MBNL3: variants seen among roughly 807,000 people sequenced by gnomAD.
MBNL3 encodes the protein muscleblind-like protein 3.
A neutral mutation model predicts 24.5 loss-of-function variants in MBNL3; 6 were observed. That is an observed-to-expected ratio of 0.25 (90% confidence interval 0.13 to 0.48). MBNL3 has a LOEUF of 0.48. MBNL3 is among the 20% of genes least tolerant of loss of function. The pLI is 0.99. For synonymous variants in MBNL3, 100 were observed against 101.7 expected (o/e 0.98, Z 0.10); for missense variants, 230 against 293.5 (o/e 0.78, Z 1.58).
At chrX:132,468,526 TAAC>T (rs995042435) in intron 1 of MBNL3, among the ~76,000 whole-genome samples, 12 of 112,719 alleles carry the variant, frequency 1.1e-4, no homozygotes, top group Non-Finnish European at 2.1e-4. Context: ...ATTGAAAATA[TAAC>T]AACAGAAAAT....
At chrX:132,479,038 C>G (rs760353526) in intron 1 of MBNL3, among the ~76,000 whole-genome samples, 18 of 112,015 alleles carry the variant, frequency 1.6e-4, no homozygotes, top group Non-Finnish European at 2.6e-4. Context: ...TCACCTGAGG[C>G]AGGAGTTCAA....
At chrX:132,406,135 TA>T in intron 3 of MBNL3, 92 bp downstream of exon 3, 1 of 1,019,296 alleles carries the variant, frequency 9.8e-7, no homozygotes. Context: ...GTTTGTGTCC[TA>T]AATCCTGTTG....
intron 8 of MBNL3, among the ~76,000 whole-genome samples, chrX:132,380,801 T>C (rs1934774021): frequency 9.1e-6 from 1 of 109,503 alleles, no homozygotes; most frequent in African/African-American, 3.3e-5. Flanking sequence ...TGTGCCATGA[T>C]GGGCACCAGG....
intron 2 of MBNL3, among the ~76,000 whole-genome samples, chrX:132,434,789 T>A (rs1945024147): frequency 2.7e-5 from 3 of 111,437 alleles, no homozygotes; most frequent in Non-Finnish European, 3.8e-5. Context: ...ACTAAGGAGA[T>A]ATAAGGAATA....
chrX:132,473,803 G>A (rs1450592421), intron 1 of MBNL3, among the ~76,000 whole-genome samples: 1 of 111,310 alleles, frequency 9.0e-6, no homozygotes, highest in Non-Finnish European at 1.9e-5. Flanking sequence ...TTTTGAAAAC[G>A]CTGGTTTAGA....
intron 6 of MBNL3, 80 bp from the exon 7 acceptor site, chrX:132,384,778 CA>C (rs1935695502): frequency 1.2e-6 from 1 of 831,109 alleles, no homozygotes; most frequent in African/African-American, 2.2e-5. Flanking sequence ...TACATTTTAA[CA>C]GAAAGATTAT....
rs1282567957 is a variant in MBNL3 at position 132,372,837 on chromosome X, T to G, written c.*6829A>C. The G allele has an allele frequency of 9.0e-6, 1 of 111,642 alleles. No homozygotes were observed. The highest frequency in any genetic ancestry group is 3.2e-5 in the African/African-American group (1 of 30,820). 9.2% of individuals were successfully genotyped at this position (111,642 alleles called of 1,213,427 possible). On this transcript the variant is annotated 3_prime_UTR_variant, in exon 9 of 9. Transcript: ENST00000370853. ...TGCAATATCTGCAAAGAGCTGCGAC[T>G]TATTTCATAGTCATACATTTTTTTT...
Position 132,396,521 on chromosome X carries a change from CA to C in MBNL3, c.343-4188del, listed in dbSNP as rs1569424069. 5.6e-4 allele frequency among the ~76,000 whole-genome samples: 27 copies of C among 48,103 alleles called. 1 individual carries two copies. The highest frequency in any genetic ancestry group is 4.9e-3 in the African/African-American group (25 of 5,146). The allele number at this position is 48,103 out of a possible 115,157, so 41.8% of individuals were successfully genotyped here. A position where few individuals can be genotyped will look rare whatever the true frequency, so the allele number is the denominator to read the frequency against. On this transcript the variant is annotated intron_variant, in intron 3 of 8. Coordinates refer to ENST00000370853, the MANE Select transcript of MBNL3 (RefSeq NM_001386889.1). ...ATTCCTATATATATTCATATATATT[CA>C]TATATATATTCATATATATATTCCT...
In MBNL3 at chrX:132,483,237, G is replaced by C. The variant is rs145949439; in HGVS notation, c.-704+5614C>G. Among the ~76,000 whole-genome samples, 216 of 112,016 alleles carry C rather than the reference G, an allele frequency of 1.9e-3. 9 individuals are homozygous for C. In the East Asian group the frequency reaches 0.048, roughly 25 times the overall value. ...GCACCCCCAACTGGGCCATTATCAA[G>C]TGCCTACTTTTCAGAGGACGAATAC... On this transcript the variant is annotated intron_variant, in intron 1 of 8. Transcript: ENST00000370853.
chrX:132,476,046 T>C (rs909110763), intron 1 of MBNL3, among the ~76,000 whole-genome samples: 3 of 111,727 alleles, frequency 2.7e-5, no homozygotes, highest in Middle Eastern at 9.3e-3. Flanking sequence ...GGATGCATGC[T>C]TCACAAGAGT....
intron 5 of MBNL3, among the ~76,000 whole-genome samples, chrX:132,387,628 C>T (rs1414008026): frequency 8.9e-6 from 1 of 111,788 alleles, no homozygotes; most frequent in Non-Finnish European, 1.9e-5. Flanking sequence ...CCAGTTTATA[C>T]AAAGACTTCA....
At chrX:132,382,136 T>C (rs1169137842) in intron 8 of MBNL3, 42 bp downstream of exon 8, 1 of 1,125,742 alleles carries the variant, frequency 8.9e-7, no homozygotes, top group Non-Finnish European at 1.2e-6. Context: ...ACCAAAACAT[T>C]GTAGTTATCT....
chrX:132,409,677 A>G (rs1348569501), intron 2 of MBNL3, among the ~76,000 whole-genome samples: 2 of 111,507 alleles, frequency 1.8e-5, no homozygotes, highest in African/African-American at 6.5e-5. Context: ...CGTACCTACA[A>G]CAGTCGCCAT....
Position 132,370,300 on chromosome X carries a change from A to C in MBNL3, c.*9366T>G, listed in dbSNP as rs1218073582. On this transcript the variant is annotated 3_prime_UTR_variant, in exon 9 of 9. Coordinates refer to ENST00000370853, the MANE Select transcript of MBNL3 (RefSeq NM_001386889.1). ...CCTGTCATTGTATCATGCCCTCTAC[A>C]GATGATGACCATGGGAATGGATTCT... 8.9e-6 allele frequency: 1 copy of C among 112,021 alleles called. No homozygotes were observed. The highest frequency in any genetic ancestry group is 1.9e-5 in the Non-Finnish European group (1 of 53,216). The allele number at this position is 112,021 out of a possible 1,213,427, so 9.2% of individuals were successfully genotyped here. A position where few individuals can be genotyped will look rare whatever the true frequency, so the allele number is the denominator to read the frequency against.
intron 3 of MBNL3, among the ~76,000 whole-genome samples, chrX:132,397,503 T>A (rs183351762): frequency 5.3e-4 from 59 of 111,395 alleles, no homozygotes; most frequent in Non-Finnish European, 1.0e-3. Context: ...GGGCCTTCCA[T>A]CTCTGAGTTC....
At chrX:132,392,766 A>G (rs183249803) in intron 3 of MBNL3, among the ~76,000 whole-genome samples, 1 of 110,306 alleles carries the variant, frequency 9.1e-6, no homozygotes, top group East Asian at 2.9e-4. Flanking sequence ...CACCATCAAT[A>G]CTGCTTGGCT....
At chrX:132,483,753 T>G (rs1268392697) in intron 1 of MBNL3, among the ~76,000 whole-genome samples, 1 of 111,948 alleles carries the variant, frequency 8.9e-6, no homozygotes, top group African/African-American at 3.2e-5. Context: ...AAATGACAGC[T>G]CTTGTCTCTT....
At chrX:132,442,352 C>T (rs1408163562) in intron 1 of MBNL3, among the ~76,000 whole-genome samples, 1 of 111,891 alleles carries the variant, frequency 8.9e-6, no homozygotes, top group East Asian at 2.8e-4. Context: ...TTAGCTATCC[C>T]AAGCTTTCTG....
chrX:132,429,730 T>C (rs1944580656), intron 2 of MBNL3: 1 of 111,892 alleles, frequency 8.9e-6, no homozygotes, highest in African/African-American at 3.3e-5. Context: ...TGGAGCAGCA[T>C]GACTGTGATA....
Sources: allele counts gnomAD v4.1 joint callset (sites outside exome capture counted in the v4.1 genomes callset), GRCh38; gene constraint gnomAD v4.1.1; transcripts MANE v1.5; gene names NCBI Gene and HGNC (gene_info 2026-07-23, HGNC 2026-07-21).